TG: variants seen among roughly 807,000 people sequenced by gnomAD.
TG encodes thyroid hormones.
A neutral mutation model predicts 324.7 loss-of-function variants in TG; 270 were observed. The observed-to-expected ratio is 0.83, with a 90% CI of 0.75 to 0.92. The LOEUF is 0.92. TG is among the 40% of genes least tolerant of loss of function. The pLI is 0.00. For missense variants in TG, 3,591 were observed against 3,456.4 expected, an observed-to-expected ratio of 1.04 and a Z score of -0.98; for synonymous variants, 1,401 against 1,327.0, an observed-to-expected ratio of 1.06 and a Z score of -1.21.
chr8:133,050,928 AG>A (rs1309379882), intron 41 of TG: 8 of 1,558,916 alleles, frequency 5.1e-6, no homozygotes, highest in Admixed American at 1.7e-5. Flanking sequence ...GGGGAAACAA[AG>A]GCAAGGGGGA....
intron 41 of TG, chr8:133,073,385 C>T (rs914522195): frequency 3.9e-5 from 6 of 151,988 alleles, no homozygotes; most frequent in South Asian, 2.1e-4. Flanking sequence ...GATGAAGTTT[C>T]GCTATTGTTG....
intron 35 of TG, among the ~76,000 whole-genome samples, chr8:133,004,457 T>C (rs1384783922): frequency 6.6e-6 from 1 of 152,196 alleles, no homozygotes; most frequent in Non-Finnish European, 1.5e-5. Context: ...TGGGGGTGCC[T>C]CTGTAACCTT....
intron 41 of TG, among the ~76,000 whole-genome samples, chr8:133,094,082 C>T (rs9297864): frequency 2.6e-5 from 4 of 151,432 alleles, no homozygotes; most frequent in African/African-American, 4.9e-5. Context: ...AGCCCCATAG[C>T]GGATGCACCC....
At position 132,894,236 on chromosome 8, in the gene TG, C is replaced by T. The variant is rs183184011; in HGVS notation, c.3001+307C>T. 1.4e-3 allele frequency among the ~76,000 whole-genome samples: 215 copies of T among 152,290 alleles called. 2 individuals carry two copies. Among genetic ancestry groups the T allele is most frequent in the Admixed American group, 0.013 (204 of 15,300 alleles). On this transcript the variant is annotated intron_variant, in intron 11 of 47. Coordinates refer to ENST00000220616, the MANE Select transcript of TG (RefSeq NM_003235.5). ...GGACCCAAGCCCGTGAATGCTCAAA[C>T]ACCCCTTACGGCCTGCTCCAAAGCT...
At position 132,906,863 on chromosome 8, in the gene TG, C is replaced by T. The variant is rs61747463; in HGVS notation, c.3810C>T (p.Arg1270=). 7.0e-5 allele frequency: 113 copies of T among 1,613,558 alleles called. No individual in the cohort carries two copies. Among genetic ancestry groups the T allele is most frequent in the Non-Finnish European group, 9.4e-5 (111 of 1,179,910 alleles). The change falls in exon 17 of 48, where the codon CGC becomes CGT. Residue 1270 remains arginine (R), a synonymous_variant. Coordinates refer to ENST00000220616, the MANE Select transcript of TG (RefSeq NM_003235.5). The part of the protein sequence containing the change: ...GPLICSLESG[R]WESQLPQPRA... ...TGATATGTAGCCTGGAGAGCGGACGCTGGGAGTCACAGCTGCCTCAGCCCC... is the reference window on the plus strand; with the variant it reads ...TGATATGTAGCCTGGAGAGCGGACGTTGGGAGTCACAGCTGCCTCAGCCCC...
At chr8:132,965,614 G>C (rs1234464958) in intron 29 of TG, among the ~76,000 whole-genome samples, 2 of 152,222 alleles carry the variant, frequency 1.3e-5, no homozygotes, top group African/African-American at 4.8e-5. Context: ...TCCCCACTGG[G>C]CCTGGGTGTT....
At chr8:132,939,356 C>T (rs17613233) in intron 25 of TG, among the ~76,000 whole-genome samples, 8,672 of 152,142 alleles carry the variant, frequency 0.057, 377 homozygotes, top group Non-Finnish European at 0.09. Context: ...TAGGGGAGGC[C>T]GACTCTCTCA....
intron 45 of TG, among the ~76,000 whole-genome samples, chr8:133,131,016 TCAA>T (rs1851906503): frequency 6.6e-6 from 1 of 152,102 alleles, no homozygotes; most frequent in African/African-American, 2.4e-5. Context: ...CAAGACAGCT[TCAA>T]CAAGACCGGC....
chr8:132,880,975 A>C (rs1814569381), intron 5 of TG, among the ~76,000 whole-genome samples: 1 of 152,244 alleles, frequency 6.6e-6, no homozygotes, highest in Non-Finnish European at 1.5e-5. Flanking sequence ...CATTGTACAC[A>C]GCTGCTGCTT....
intron 34 of TG, among the ~76,000 whole-genome samples, chr8:132,981,635 G>A (rs1363551460): frequency 2.0e-5 from 3 of 152,362 alleles, no homozygotes; most frequent in South Asian, 4.1e-4. Context: ...TTGGCTCAGC[G>A]TGGATCAGCA....
intron 40 of TG, among the ~76,000 whole-genome samples, chr8:133,022,530 A>AG (rs1305488787): frequency 1.3e-5 from 2 of 152,170 alleles, no homozygotes; most frequent in African/African-American, 4.8e-5. Context: ...GAACAACCCC[A>AG]GGGGATGAGT....
chr8:132,933,890 C>G (rs1363866683), intron 24 of TG, among the ~76,000 whole-genome samples: 2 of 152,146 alleles, frequency 1.3e-5, no homozygotes, highest in African/African-American at 4.8e-5. Flanking sequence ...TAAGGGGCGT[C>G]TGCTTGAGCC....
At position 132,887,528 on chromosome 8, in the gene TG, C is replaced by A; in HGVS notation, c.2156C>A (p.Ala719Glu). 1.2e-6 allele frequency: 2 copies of A among 1,614,160 alleles called. No individual in the cohort carries two copies. The highest frequency in any genetic ancestry group is 1.1e-5 in the South Asian group (1 of 91,074). The change falls in exon 9 of 48, where the codon GCA (alanine) becomes GAA (glutamate). Residue 719 changes from alanine to glutamate, a missense_variant. Coordinates refer to ENST00000220616, the MANE Select transcript of TG (RefSeq NM_003235.5). ...CAGGCCATTCCTGGAACTCGAAGTG[C>A]AATAGGGAAGCCCAAGAAATGTAAG... is the stretch of plus-strand genomic sequence containing the variant. The part of the protein sequence containing the change: ...EGQAIPGTRS[A>E]IGKPKKCPTP...
Position 132,893,905 on chromosome 8 carries a change from G to A in TG, c.2977G>A (p.Ala993Thr), listed in dbSNP as rs142998186. 522 of 1,613,918 alleles carry A rather than the reference G, an allele frequency of 3.2e-4. 1 individual carries two copies. The highest frequency in any genetic ancestry group is 3.9e-4 in the Non-Finnish European group (458 of 1,179,970). The change falls in exon 11 of 48, where the codon GCC becomes ACC. Residue 993 changes from alanine (A) to threonine (T), a missense_variant. By Grantham distance (58) the Ala-to-Thr change is moderately conservative (BLOSUM62 0). Transcript: ENST00000220616. ...GCAGTTTCTGCGTGGGAGTGATTAC[G>A]CCATTCGCCTGGCGGCTCAGTCTAG... ...AEQFLRGSDY[A>T]IRLAAQSTLS...
chr8:133,063,197 T>G (rs758191938), intron 41 of TG, among the ~76,000 whole-genome samples: 1 of 151,922 alleles, frequency 6.6e-6, no homozygotes, highest in Non-Finnish European at 1.5e-5. Context: ...CAACTGTCAT[T>G]CAACACCTAG....
intron 25 of TG, among the ~76,000 whole-genome samples, chr8:132,938,537 G>A (rs550823688): frequency 3.3e-5 from 5 of 152,126 alleles, no homozygotes; most frequent in African/African-American, 4.8e-5. Flanking sequence ...CTACCACTGC[G>A]GTGCAATAAG....
At chr8:133,025,874 G>A (rs1404698769) in intron 40 of TG, among the ~76,000 whole-genome samples, 1 of 152,204 alleles carries the variant, frequency 6.6e-6, no homozygotes, top group Non-Finnish European at 1.5e-5. Flanking sequence ...TCTGAGAGCT[G>A]CTCTGTGGCT....
chr8:133,103,812 G>T lies in TG; in HGVS notation c.7572+7439G>T, dbSNP rs531919427. ...ATAGATTATTCAGAGGCTTCTGTGC[G>T]CTGGACTCTCTCTAGGCTTTAGAGG... is the stretch of plus-strand genomic sequence containing the variant. On this transcript the variant is annotated intron_variant, in intron 43 of 47. Transcript: ENST00000220616. Among the ~76,000 whole-genome samples, 16 of 152,294 alleles carry T rather than the reference G, an allele frequency of 1.1e-4. No individual in the cohort carries two copies. In the South Asian group the frequency reaches 3.1e-3, roughly 30 times the overall value.
chr8:132,944,322 C>G (rs1482782523), intron 26 of TG, among the ~76,000 whole-genome samples: 2 of 152,210 alleles, frequency 1.3e-5, no homozygotes, highest in African/African-American at 4.8e-5. Flanking sequence ...CCTCTCACCA[C>G]CAACCCCCAC....
Sources: allele counts gnomAD v4.1 joint callset (sites outside exome capture counted in the v4.1 genomes callset), GRCh38; gene constraint gnomAD v4.1.1; transcripts MANE v1.5; gene names NCBI Gene and HGNC (gene_info 2026-07-23, HGNC 2026-07-21).